The following ARK2C variants were observed in gnomAD, a reference collection of about 807,000 sequenced individuals.
ARK2C encodes arkadia (RNF111) C-terminal like ring finger ubiquitin ligase 2C.
At chr18:46,446,586 G>C in the ARK2C span, among the ~76,000 whole-genome samples, 7 of 144,658 alleles carry the variant, frequency 4.8e-5, no homozygotes, top group East Asian at 1.4e-3. Context: ...CAGGAGAATT[G>C]CTTGAACCCA....
chr18:46,361,230 A>T, the ARK2C span, among the ~76,000 whole-genome samples: 2 of 152,210 alleles, frequency 1.3e-5, no homozygotes, highest in Non-Finnish European at 2.9e-5. Flanking sequence ...CCCCAGCTCC[A>T]GATGGGAAAA....
At chr18:46,398,893 C>A in the ARK2C span, among the ~76,000 whole-genome samples, 8 of 151,816 alleles carry the variant, frequency 5.3e-5, no homozygotes, top group Admixed American at 5.2e-4. Flanking sequence ...ATCTAGTCAT[C>A]GTCTAGGATG....
chr18:46,346,271 T>G, the ARK2C span, among the ~76,000 whole-genome samples: 1 of 152,214 alleles, frequency 6.6e-6, no homozygotes, highest in Non-Finnish European at 1.5e-5. Flanking sequence ...GGCACAGGAC[T>G]CTTTATTGTG....
the ARK2C span, among the ~76,000 whole-genome samples, chr18:46,392,555 T>C: frequency 3.4e-5 from 3 of 88,102 alleles, no homozygotes; most frequent in African/African-American, 1.4e-4. Context: ...TCCTGCCAGG[T>C]CAGTGGACAC....
At chr18:46,353,186 A>T in the ARK2C span, among the ~76,000 whole-genome samples, 2 of 152,248 alleles carry the variant, frequency 1.3e-5, no homozygotes, top group African/African-American at 4.8e-5. Context: ...TAGATCTAAA[A>T]ATGAGATGAT....
chr18:46,350,111 C>A, the ARK2C span, among the ~76,000 whole-genome samples: 1 of 152,172 alleles, frequency 6.6e-6, no homozygotes, highest in Non-Finnish European at 1.5e-5. Flanking sequence ...CAGAGAAATA[C>A]AGGCTTAAAT....
chr18:46,417,618 G>A, the ARK2C span, among the ~76,000 whole-genome samples: 6 of 152,256 alleles, frequency 3.9e-5, no homozygotes, highest in East Asian at 9.6e-4. Context: ...TCTTCTTCCT[G>A]CTTCATTTTT....
chr18:46,388,322 C>T, the ARK2C span, among the ~76,000 whole-genome samples: 3,618 of 152,214 alleles, frequency 0.024, 138 homozygotes, highest in African/African-American at 0.083. Flanking sequence ...TGGCAGGAAA[C>T]AAAACAAAAC....
chr18:46,432,510 C>G, the ARK2C span, among the ~76,000 whole-genome samples: 1 of 152,034 alleles, frequency 6.6e-6, no homozygotes, highest in Non-Finnish European at 1.5e-5. Context: ...CTTGGCTAGG[C>G]TGGACTAACT....
chr18:46,376,201 C>T, the ARK2C span, among the ~76,000 whole-genome samples: 6 of 152,370 alleles, frequency 3.9e-5, no homozygotes, highest in South Asian at 1.2e-3. Flanking sequence ...ACCTGCCCTT[C>T]CTGTTCACTT....
chr18:46,350,444 A>G, the ARK2C span, among the ~76,000 whole-genome samples: 1 of 152,172 alleles, frequency 6.6e-6, no homozygotes, highest in East Asian at 1.9e-4. Context: ...CGTGAGGTCC[A>G]TGTCAGTAGA....
the ARK2C span, chr18:46,447,509 C>T: frequency 6.2e-7 from 1 of 1,610,474 alleles, no homozygotes; most frequent in Non-Finnish European, 8.5e-7. Context: ...GGTCCCTTCT[C>T]TAACCTGGCT....
the ARK2C span, among the ~76,000 whole-genome samples, chr18:46,392,128 A>G: frequency 6.6e-6 from 1 of 151,922 alleles, no homozygotes; most frequent in African/African-American, 2.4e-5. Context: ...CAGCACACAC[A>G]ATATACACAA....
the ARK2C span, among the ~76,000 whole-genome samples, chr18:46,397,981 C>A: frequency 4.4e-5 from 5 of 114,310 alleles, no homozygotes; most frequent in African/African-American, 7.0e-5. Context: ...TGTGGTCATG[C>A]GGAGGTGTGA....
the ARK2C span, among the ~76,000 whole-genome samples, chr18:46,383,424 T>C: frequency 6.6e-6 from 1 of 152,096 alleles, no homozygotes; most frequent in African/African-American, 2.4e-5. Flanking sequence ...CACATGTTAA[T>C]GAGAAAACTA....
At chr18:46,334,447 A>G in the ARK2C span, 4 of 914,766 alleles carry the variant, frequency 4.4e-6, no homozygotes, top group Non-Finnish European at 6.0e-6. This position sits in a 1 kb window ranked among gnomAD's most constrained non-coding sequence, Gnocchi z 4.4. Flanking sequence ...GCGAGGACGC[A>G]GGGCGAGCGG....
the ARK2C span, among the ~76,000 whole-genome samples, chr18:46,347,852 C>T: frequency 6.6e-6 from 1 of 152,130 alleles, no homozygotes; most frequent in East Asian, 1.9e-4. Flanking sequence ...GATAGTGAGG[C>T]TCAGATTTGA....
the ARK2C span, among the ~76,000 whole-genome samples, chr18:46,413,258 G>C: frequency 6.6e-6 from 1 of 152,152 alleles, no homozygotes; most frequent in Admixed American, 6.5e-5. Flanking sequence ...TTATAAAGCA[G>C]CGTCGCTCAA....
the ARK2C span, among the ~76,000 whole-genome samples, chr18:46,387,645 C>T: frequency 6.6e-6 from 1 of 152,240 alleles, no homozygotes; most frequent in Non-Finnish European, 1.5e-5. Flanking sequence ...GGCATACAGA[C>T]CCGTGGAGGG....
Sources: gnomAD v4.1 joint callset for allele counts (sites outside exome capture counted in the v4.1 genomes callset) on GRCh38, gnomAD v4.1.1 for gene constraint, Gnocchi (gnomAD v3.1) non-coding constraint, MANE v1.5 for transcripts, NCBI Gene and HGNC (gene_info 2026-07-23, HGNC 2026-07-21) for gene names.